CCND3: variants seen among roughly 807,000 people sequenced by gnomAD.
CCND3 encodes the protein G1/S-specific cyclin-D3.
A neutral mutation model predicts 28.7 loss-of-function variants in CCND3; 9 were observed. That is an observed-to-expected ratio of 0.31 (90% CI 0.19 to 0.55). The LOEUF (loss-of-function observed/expected upper bound fraction) is 0.55, where lower values mean the gene tolerates loss of function less well. Ranked by LOEUF, CCND3 falls within the 20% of genes least tolerant of loss-of-function variation. CCND3 has a pLI of 0.93. For synonymous variants in CCND3, 164 were observed against 163.9 expected (o/e 1.00, Z 0.00); for missense variants, 315 against 385.8 (o/e 0.82, Z 1.54).
At chr6:42,041,309 G>A (rs926131092) in intron 1 of CCND3, among the ~76,000 whole-genome samples, 1 of 152,170 alleles carries the variant, frequency 6.6e-6, no homozygotes, top group Non-Finnish European at 1.5e-5. Context: ...GGAGATCAAG[G>A]GATATGAGAG....
At chr6:42,006,262 C>T (rs1582154876) in intron 1 of CCND3, among the ~76,000 whole-genome samples, 1 of 151,110 alleles carries the variant, frequency 6.6e-6, no homozygotes, top group East Asian at 1.9e-4. Flanking sequence ...GTAGAAAAAG[C>T]ATGTGATAAG....
chr6:42,023,369 G>T (rs1321077620), intron 1 of CCND3, among the ~76,000 whole-genome samples: 4 of 152,136 alleles, frequency 2.6e-5, no homozygotes, highest in Admixed American at 2.6e-4. Flanking sequence ...GGTTTGTTTG[G>T]GCATGAAGTA....
chr6:41,985,043 G>A (rs529184581), intron 1 of CCND3, among the ~76,000 whole-genome samples: 1 of 152,072 alleles, frequency 6.6e-6, no homozygotes, highest in South Asian at 2.1e-4. Flanking sequence ...TATATATTTT[G>A]AATATTAATT....
rs368541457 is a variant in CCND3 at position 41,998,547 on chromosome 6, C to T, written c.-46+49954G>A. ...TTCACCATGTTGGCCAGGCTGGTCT[C>T]GAACTCCTGACCTCAGGTGATCCGC... On this transcript the variant is annotated intron_variant, in intron 1 of 4. Transcript: ENST00000372988. Among the ~76,000 whole-genome samples the T allele has an allele frequency of 6.6e-5, 10 of 151,650 alleles. No individual in the cohort carries two copies. In the East Asian group the frequency reaches 1.4e-3, roughly 21 times the overall value.
chr6:42,034,956 C>A (rs533988174), intron 1 of CCND3, among the ~76,000 whole-genome samples: 1 of 152,158 alleles, frequency 6.6e-6, no homozygotes, highest in Non-Finnish European at 1.5e-5. Context: ...ATTTCAAGGT[C>A]CACCCATTAT....
intron 1 of CCND3, among the ~76,000 whole-genome samples, chr6:41,975,404 AG>A (rs1762146551): frequency 6.6e-6 from 1 of 152,142 alleles, no homozygotes; most frequent in South Asian, 2.1e-4. Context: ...TCAGCCTCAC[AG>A]GCTCCAAAAT....
At chr6:42,034,188 C>T (rs1764129355) in intron 1 of CCND3, among the ~76,000 whole-genome samples, 1 of 149,650 alleles carries the variant, frequency 6.7e-6, no homozygotes, top group African/African-American at 2.5e-5. Context: ...GCTCTTGTTG[C>T]CCAGGCTGGA....
chr6:41,949,420 G>A (rs1000823275), intron 1 of CCND3, among the ~76,000 whole-genome samples: 2 of 151,914 alleles, frequency 1.3e-5, no homozygotes, highest in Non-Finnish European at 2.9e-5. Context: ...TAGAAGAATC[G>A]CTTTAACCCA....
rs911546804 is a variant in CCND3 at position 41,972,543 on chromosome 6, C to T, written c.-45-31958G>A. Among the ~76,000 whole-genome samples the T allele has an allele frequency of 2.0e-5, 3 of 152,128 alleles. 1 individual carries two copies. Among genetic ancestry groups the T allele is most frequent in the African/African-American group, 2.4e-5 (1 of 41,448 alleles). On this transcript the variant is annotated intron_variant, in intron 1 of 4. Coordinates refer to the CCND3 transcript ENST00000372988. Reference sequence around the variant, plus strand: ...ATAACCAGGCTTCACCTCTTAAAGCCTCCTTTTCCTCCTTTATAAAATGGT... The same window carrying T: ...ATAACCAGGCTTCACCTCTTAAAGCTTCCTTTTCCTCCTTTATAAAATGGT...
At chr6:41,958,255 C>T (rs9471696) in intron 1 of CCND3, among the ~76,000 whole-genome samples, 4,791 of 152,198 alleles carry the variant, frequency 0.031, 195 homozygotes, top group African/African-American at 0.098. Flanking sequence ...CCTTGGCCTC[C>T]CGAAGTGCTG....
At chr6:42,046,263 C>T (rs567526015) in intron 1 of CCND3, among the ~76,000 whole-genome samples, 16 of 152,322 alleles carry the variant, frequency 1.1e-4, no homozygotes, top group African/African-American at 3.8e-4. Flanking sequence ...CTGTCCCGTG[C>T]TCTCGCTTGC....
intron 1 of CCND3, among the ~76,000 whole-genome samples, chr6:42,009,350 A>G (rs7449838): frequency 0.89 from 135,384 of 152,120 alleles, 61,199 homozygotes; most frequent in Non-Finnish European, 0.99. Context: ...GGTGGCTCAC[A>G]CCTGTAATCC....
chr6:41,964,724 C>A (rs545501160), intron 1 of CCND3, among the ~76,000 whole-genome samples: 42 of 152,210 alleles, frequency 2.8e-4, no homozygotes, highest in African/African-American at 9.9e-4. Flanking sequence ...CTGGACTTGT[C>A]CCCTAAAGGG....
chr6:42,031,506 C>T (rs1486815692), intron 1 of CCND3: 1 of 152,110 alleles, frequency 6.6e-6, no homozygotes, highest in East Asian at 1.9e-4. Context: ...CCTACTGTCC[C>T]CTGTGAGATG....
At chr6:41,970,812 G>A (rs1047421856) in intron 1 of CCND3, among the ~76,000 whole-genome samples, 2 of 152,076 alleles carry the variant, frequency 1.3e-5, no homozygotes, top group Non-Finnish European at 2.9e-5. Context: ...TGGCCTTTTG[G>A]TTTTCTTTTG....
At chr6:42,024,565 C>T (rs1763815714) in intron 1 of CCND3, among the ~76,000 whole-genome samples, 1 of 152,154 alleles carries the variant, frequency 6.6e-6, no homozygotes, top group South Asian at 2.1e-4. Flanking sequence ...AGCCATGCCA[C>T]TGGCACTGTT....
intron 1 of CCND3, among the ~76,000 whole-genome samples, chr6:41,953,085 G>A (rs1220369325): frequency 3.9e-5 from 6 of 151,932 alleles, no homozygotes; most frequent in African/African-American, 9.7e-5. Context: ...CAGCCTGGCC[G>A]ATATGGTGAA....
At chr6:42,005,540 CAAAAAAAAAAAAAA>C (rs58659355) in intron 1 of CCND3, among the ~76,000 whole-genome samples, 4 of 62,840 alleles carry the variant, frequency 6.4e-5, no homozygotes, top group Admixed American at 2.2e-4. Flanking sequence ...GACCCTGTCT[CAAAAAAAAAAAAAA>C]AAAAAAAAAA....
intron 1 of CCND3, among the ~76,000 whole-genome samples, chr6:42,000,284 G>A (rs555815380): frequency 1.3e-4 from 12 of 94,720 alleles, no homozygotes; most frequent in Admixed American, 1.7e-4. Context: ...CTGTCGCCCA[G>A]GTTGGAGTTC....
Sources: gnomAD v4.1 joint callset for allele counts (sites outside exome capture counted in the v4.1 genomes callset) on GRCh38, gnomAD v4.1.1 for gene constraint, MANE v1.5 for transcripts, NCBI Gene and HGNC (gene_info 2026-07-23, HGNC 2026-07-21) for gene names.